The following CSMD1 variants were observed in gnomAD, a reference collection of about 807,000 sequenced individuals.
CSMD1 encodes CUB and Sushi multiple domains 1, also known as CUB and sushi domain-containing protein 1.
Under a neutral mutation model 417.5 loss-of-function variants are expected in CSMD1, and 213 were observed. The observed-to-expected ratio is 0.51, with a 90% CI of 0.46 to 0.57. CSMD1 has a LOEUF of 0.57. CSMD1 is among the 20% of genes least tolerant of loss of function. The probability of loss-of-function intolerance (pLI) is 0.00; values close to 1 mark genes in which losing one functional copy is unlikely to be tolerated. For missense variants in CSMD1, 6,923 were observed against 4,529.7 expected (o/e 1.53, Z -15.17); for synonymous variants, 2,862 against 1,736.8 (o/e 1.65, Z -16.11).
chr8:3,448,426 A>AGAAAGGAAGGGAGGGAG (rs1815472123), intron 12 of CSMD1, among the ~76,000 whole-genome samples: 1 of 96,098 alleles, frequency 1.0e-5, no homozygotes, highest in Non-Finnish European at 2.0e-5. Context: ...AAGGGAAGGA[A>AGAAAGGAAGGGAGGGAG]GAAGGAGCAA....
At chr8:4,578,649 T>C (rs1799257990) in intron 2 of CSMD1, among the ~76,000 whole-genome samples, 1 of 151,004 alleles carries the variant, frequency 6.6e-6, no homozygotes, top group Non-Finnish European at 1.5e-5. Context: ...ACCCCATCTC[T>C]ACCAAAAATA....
At chr8:3,411,824 ATG>A (rs1812745241) in intron 12 of CSMD1, among the ~76,000 whole-genome samples, 1 of 124,090 alleles carries the variant, frequency 8.1e-6, no homozygotes, top group Non-Finnish European at 1.7e-5. Flanking sequence ...ATACGTGTAT[ATG>A]TATATATGCA....
intron 30 of CSMD1, among the ~76,000 whole-genome samples, chr8:3,209,399 T>C (rs1797478218): frequency 6.6e-6 from 1 of 151,976 alleles, no homozygotes; most frequent in Non-Finnish European, 1.5e-5. Context: ...TCACTGCAAG[T>C]TCCATCTCCC....
chr8:4,806,486 T>C (rs1385895967), intron 1 of CSMD1, among the ~76,000 whole-genome samples: 1 of 151,628 alleles, frequency 6.6e-6, no homozygotes, highest in Non-Finnish European at 1.5e-5. Context: ...GCCATCTATT[T>C]AGTTTACATT....
At position 3,950,157 on chromosome 8, in the gene CSMD1, C is replaced by T. The variant is rs1391753854; in HGVS notation, c.818+47746G>A. On this transcript the variant is annotated intron_variant, in intron 5 of 69. Transcript: ENST00000635120. ...CTGCATTTATACACCAGCTGACTTACAGAAGAAAGGTAAACCACAAGACCC... is the reference window on the plus strand; with the variant it reads ...CTGCATTTATACACCAGCTGACTTATAGAAGAAAGGTAAACCACAAGACCC... 3.3e-5 allele frequency among the ~76,000 whole-genome samples: 5 copies of T among 152,076 alleles called. No homozygotes were observed. The East Asian group carries it at 9.6e-4, about 29-fold the overall frequency.
chr8:4,084,910 A>T (rs958606566), intron 3 of CSMD1, among the ~76,000 whole-genome samples: 2 of 151,960 alleles, frequency 1.3e-5, no homozygotes, highest in African/African-American at 4.8e-5. Flanking sequence ...AAAAACAAAA[A>T]CAAAAACAAA....
chr8:3,177,537 T>C lies in CSMD1; in HGVS notation c.5725+3573A>G, dbSNP rs144777209. 1.1e-4 allele frequency among the ~76,000 whole-genome samples: 16 copies of C among 152,344 alleles called. No homozygotes were observed. The South Asian group carries it at 3.1e-3, about 30-fold the overall frequency. On this transcript the variant is annotated intron_variant, in intron 37 of 69. Coordinates refer to ENST00000635120, the MANE Select transcript of CSMD1 (RefSeq NM_033225.6). ...TCTATAAAAGGTGTGTTTCAATCTC[T>C]AGGAGACCATTACAATATTAAAAAT...
intron 52 of CSMD1, among the ~76,000 whole-genome samples, chr8:3,001,042 C>A (rs1364667494): frequency 6.6e-6 from 1 of 151,718 alleles, no homozygotes; most frequent in Non-Finnish European, 1.5e-5. Flanking sequence ...TGCAGTGGCA[C>A]CATCACGGCT....
intron 3 of CSMD1, among the ~76,000 whole-genome samples, chr8:4,279,170 A>T (rs767521147): frequency 6.6e-6 from 1 of 152,150 alleles, no homozygotes; most frequent in Admixed American, 6.6e-5. Flanking sequence ...TCCCCATGCC[A>T]AGCTTCGTCT....
chr8:3,996,720 T>C (rs1205485548), intron 5 of CSMD1, among the ~76,000 whole-genome samples: 2 of 152,098 alleles, frequency 1.3e-5, no homozygotes, highest in African/African-American at 2.4e-5. Flanking sequence ...ACAAAGACAA[T>C]CTAGGTAGAA....
chr8:3,124,883 G>T (rs1817409359), intron 41 of CSMD1, among the ~76,000 whole-genome samples: 3 of 152,172 alleles, frequency 2.0e-5, no homozygotes. Context: ...AATTTAAAAT[G>T]CCAATTAGTT....
intron 35 of CSMD1, among the ~76,000 whole-genome samples, 199 bp from the exon 36 acceptor site, chr8:3,188,164 C>A (rs1256249144): frequency 2.0e-5 from 3 of 146,938 alleles, no homozygotes; most frequent in African/African-American, 5.0e-5. Flanking sequence ...AATAATGCCT[C>A]CAATGCCATA....
chr8:3,265,774 C>T (rs774122926), intron 26 of CSMD1, among the ~76,000 whole-genome samples: 17 of 152,226 alleles, frequency 1.1e-4, no homozygotes, highest in Non-Finnish European at 2.2e-4. Flanking sequence ...TTCAGCATGA[C>T]TTTGATGCAG....
intron 1 of CSMD1, among the ~76,000 whole-genome samples, chr8:4,859,962 T>A (rs1013982391): frequency 6.6e-6 from 1 of 152,062 alleles, no homozygotes; most frequent in Non-Finnish European, 1.5e-5. Flanking sequence ...CATGCACACA[T>A]ATGTTTATTG....
chr8:4,911,520 T>G (rs1274142214), intron 1 of CSMD1, among the ~76,000 whole-genome samples: 1 of 152,194 alleles, frequency 6.6e-6, no homozygotes, highest in Non-Finnish European at 1.5e-5. Context: ...CTTAATAATT[T>G]TCCTTAATCC....
At chr8:4,189,070 A>T (rs1798861639) in intron 3 of CSMD1, among the ~76,000 whole-genome samples, 1 of 152,206 alleles carries the variant, frequency 6.6e-6, no homozygotes. Context: ...GTGAAAGTTA[A>T]TTATCTAGTA....
At chr8:4,527,005 T>C (rs974774365) in intron 2 of CSMD1, among the ~76,000 whole-genome samples, 2 of 152,216 alleles carry the variant, frequency 1.3e-5, no homozygotes, top group Non-Finnish European at 2.9e-5. Flanking sequence ...TACAAAGTCT[T>C]TATAGAGCTA....
chr8:3,984,101 A>AAATCAACTC (rs1407550471), intron 5 of CSMD1, among the ~76,000 whole-genome samples: 32,453 of 143,178 alleles, frequency 0.23, 4,631 homozygotes, highest in East Asian at 0.34. Flanking sequence ...AGGGCTGTCA[A>AAATCAACTC]TAGCAACTCT....
At chr8:3,851,779 C>G (rs999260971) in intron 5 of CSMD1, among the ~76,000 whole-genome samples, 1 of 151,994 alleles carries the variant, frequency 6.6e-6, no homozygotes, top group Non-Finnish European at 1.5e-5. Flanking sequence ...AGGAAGTGAC[C>G]ACAAGTCAGG....
Sources: allele counts gnomAD v4.1 joint callset (sites outside exome capture counted in the v4.1 genomes callset), GRCh38; gene constraint gnomAD v4.1.1; transcripts MANE v1.5; gene names NCBI Gene and HGNC (gene_info 2026-07-23, HGNC 2026-07-21).